SLC38A1: variants seen among roughly 807,000 people sequenced by gnomAD.
The protein encoded by SLC38A1 is solute carrier family 38 member 1.
In SLC38A1, 18 loss-of-function variants were observed where a neutral mutation model predicts 60.3. That is an observed-to-expected ratio of 0.30 (90% CI 0.21 to 0.44). The LOEUF is 0.44. SLC38A1 is among the 20% of genes least tolerant of loss of function. The pLI is 1.00. For synonymous variants in SLC38A1, 196 were observed against 212.1 expected (o/e 0.92, Z 0.66); for missense variants, 448 against 587.2 (o/e 0.76, Z 2.45).
chr12:46,267,037 G>A lies in SLC38A1; in HGVS notation c.-209+1489C>T, dbSNP rs549460984. On this transcript the variant is annotated intron_variant, in intron 1 of 16. Coordinates refer to ENST00000398637, the MANE Select transcript of SLC38A1 (RefSeq NM_030674.4). ...TGCACCGAGCTCAGGTTTTATTTCC[G>A]TTGTCCTTCTGACGTCAGAAAAAGC... Among the ~76,000 whole-genome samples, 3 of 152,280 alleles carry A rather than the reference G, an allele frequency of 2.0e-5. No individual in the cohort carries two copies. The South Asian group carries it at 6.2e-4, about 32-fold the overall frequency.
chr12:46,186,983 T>C lies in SLC38A1; in HGVS notation c.*1987A>G, dbSNP rs1288148440. 2 of 152,184 alleles carry C rather than the reference T, an allele frequency of 1.3e-5. No individual in the cohort carries two copies. Among genetic ancestry groups the C allele is most frequent in the African/African-American group, 4.8e-5 (2 of 41,438 alleles). The allele number at this position is 152,184 out of a possible 1,614,324, so 9.4% of individuals were successfully genotyped here. A position where few individuals can be genotyped will look rare whatever the true frequency, so the allele number is the denominator to read the frequency against. ...TGGATCTTGGCTTGTTCTGTTTCTG[T>C]CATTGCTAATATAATATGGAAAACA... is the stretch of plus-strand genomic sequence containing the variant. On this transcript the variant is annotated 3_prime_UTR_variant, in exon 17 of 17. Transcript: ENST00000398637.
chr12:46,216,892 C>T (rs751456612), intron 5 of SLC38A1, among the ~76,000 whole-genome samples: 1 of 151,820 alleles, frequency 6.6e-6, no homozygotes, highest in Non-Finnish European at 1.5e-5. Context: ...AATGAGAGCT[C>T]AGATGGAAAG....
At chr12:46,253,258 A>G (rs1213352333) in intron 1 of SLC38A1, among the ~76,000 whole-genome samples, 1 of 152,208 alleles carries the variant, frequency 6.6e-6, no homozygotes, top group Admixed American at 6.5e-5. Flanking sequence ...CTTGGATCTC[A>G]GGAAAGAAAG....
intron 3 of SLC38A1, among the ~76,000 whole-genome samples, chr12:46,234,220 C>T (rs1461578384): frequency 6.6e-6 from 1 of 152,204 alleles, no homozygotes; most frequent in Non-Finnish European, 1.5e-5. Context: ...TGTCTCTCAG[C>T]TCCTTCTAAT....
chr12:46,249,316 T>A (rs1000085585), intron 1 of SLC38A1, among the ~76,000 whole-genome samples: 3 of 152,070 alleles, frequency 2.0e-5, no homozygotes, highest in Non-Finnish European at 2.9e-5. Flanking sequence ...TACCAGAATC[T>A]CTGGGACACA....
At chr12:46,195,985 T>C (rs1592063884) in intron 16 of SLC38A1, 9 of 643,620 alleles carry the variant, frequency 1.4e-5, no homozygotes, top group East Asian at 1.0e-4. Context: ...CCCAGTGAGA[T>C]GAACCAGGTA....
intron 1 of SLC38A1, among the ~76,000 whole-genome samples, chr12:46,256,636 C>CAGAGAG (rs1555192390): frequency 0.15 from 18,107 of 121,666 alleles, 1,691 homozygotes; most frequent in Non-Finnish European, 0.19. Flanking sequence ...CACACACACA[C>CAGAGAG]AGAGAGAGAG....
intron 5 of SLC38A1, 98 bp downstream of exon 5, chr12:46,229,055 A>G (rs1390113188): frequency 4.4e-6 from 3 of 679,690 alleles, no homozygotes; most frequent in Admixed American, 3.2e-5. Flanking sequence ...GTTAATAAAA[A>G]AACTATTTAT....
At chr12:46,202,482 AAAAT>A (rs1196736430) in intron 12 of SLC38A1, among the ~76,000 whole-genome samples, 1 of 152,246 alleles carries the variant, frequency 6.6e-6, no homozygotes, top group East Asian at 1.9e-4. Flanking sequence ...CCAGCAATCA[AAAAT>A]AAATCAATAA....
Position 46,184,738 on chromosome 12 carries a change from T to C in SLC38A1, c.*4232A>G, listed in dbSNP as rs1379544248. The C allele has an allele frequency of 6.6e-6, 1 of 152,160 alleles. No homozygotes were observed. Among genetic ancestry groups the C allele is most frequent in the Non-Finnish European group, 1.5e-5 (1 of 68,032 alleles). 9.4% of individuals were successfully genotyped at this position (152,160 alleles called of 1,614,324 possible). On this transcript the variant is annotated 3_prime_UTR_variant, in exon 17 of 17. Transcript: ENST00000398637. ...AACACTGGAGAACTTCTGACACAAA[T>C]TCAGTATTTCTTCTAAGTCTGCATT... is the stretch of plus-strand genomic sequence containing the variant.
At chr12:46,234,446 C>CTTTTTTTTTTTTTTTTT (rs397791217) in intron 3 of SLC38A1, among the ~76,000 whole-genome samples, 4 of 140,688 alleles carry the variant, frequency 2.8e-5, no homozygotes, top group African/African-American at 5.4e-5. Flanking sequence ...TTCTTTCTTT[C>CTTTTTTTTTTTTTTTTT]TTTTTTTTTT....
chr12:46,201,801 G>T (rs1939671125), intron 12 of SLC38A1, among the ~76,000 whole-genome samples: 1 of 150,888 alleles, frequency 6.6e-6, no homozygotes, highest in Non-Finnish European at 1.5e-5. Context: ...CAATTAATCT[G>T]CAACACTTGT....
intron 3 of SLC38A1, among the ~76,000 whole-genome samples, chr12:46,236,825 C>T (rs76341451): frequency 5.1e-4 from 78 of 152,240 alleles, no homozygotes; most frequent in African/African-American, 1.8e-3. Context: ...ATTGCAGACC[C>T]CACCCCAGAC....
intron 1 of SLC38A1, among the ~76,000 whole-genome samples, chr12:46,244,334 G>A (rs1941544066): frequency 6.6e-6 from 1 of 152,214 alleles, no homozygotes; most frequent in Non-Finnish European, 1.5e-5. Flanking sequence ...AGTACTGGCA[G>A]CCTAATTGCT....
At position 46,185,554 on chromosome 12, in the gene SLC38A1, A is replaced by G. The variant is rs946275758; in HGVS notation, c.*3416T>C. 6.6e-6 allele frequency: 1 copy of G among 151,940 alleles called. No individual in the cohort carries two copies. The highest frequency in any genetic ancestry group is 2.4e-5 in the African/African-American group (1 of 41,338). 9.4% of individuals were successfully genotyped at this position (151,940 alleles called of 1,614,324 possible). On this transcript the variant is annotated 3_prime_UTR_variant, in exon 17 of 17. Coordinates refer to ENST00000398637, the MANE Select transcript of SLC38A1 (RefSeq NM_030674.4). ...TAAAACACAGTTACTAGCACTAAAA[A>G]CATTAAAAGTGCTGCGCGCTGGCCT... is the stretch of plus-strand genomic sequence containing the variant.
chr12:46,200,432 C>CAT (rs1161222677), intron 13 of SLC38A1, among the ~76,000 whole-genome samples: 170 of 151,216 alleles, frequency 1.1e-3, no homozygotes, highest in African/African-American at 3.9e-3. Flanking sequence ...TATATATACA[C>CAT]ATATATATAT....
chr12:46,218,370 G>A (rs531270316), intron 5 of SLC38A1, among the ~76,000 whole-genome samples: 399 of 152,234 alleles, frequency 2.6e-3, no homozygotes, highest in African/African-American at 9.0e-3. Flanking sequence ...GACTGTTGAA[G>A]TAAAGGAATA....
intron 1 of SLC38A1, among the ~76,000 whole-genome samples, chr12:46,260,331 T>A (rs952186432): frequency 2.8e-4 from 42 of 152,296 alleles, no homozygotes; most frequent in African/African-American, 9.1e-4. Context: ...AGTGTCAAGT[T>A]TCATTCTACA....
At chr12:46,192,655 T>C (rs983738481) in intron 16 of SLC38A1, among the ~76,000 whole-genome samples, 2 of 152,208 alleles carry the variant, frequency 1.3e-5, no homozygotes, top group African/African-American at 4.8e-5. Flanking sequence ...CCTGGTTTAG[T>C]CTTGGGAGGG....
Sources: gnomAD v4.1 joint callset for allele counts (sites outside exome capture counted in the v4.1 genomes callset) on GRCh38, gnomAD v4.1.1 for gene constraint, MANE v1.5 for transcripts, NCBI Gene and HGNC (gene_info 2026-07-23, HGNC 2026-07-21) for gene names.